CLDN1: variants seen among roughly 807,000 people sequenced by gnomAD.
CLDN1 encodes claudin-1.
A neutral mutation model predicts 22.6 loss-of-function variants in CLDN1; 12 were observed. The ratio of observed to expected loss-of-function variants is 0.53; its 90% CI spans 0.34 to 0.86. The LOEUF is 0.86. Ranked by LOEUF, CLDN1 falls within the 40% of genes least tolerant of loss-of-function variation. The probability of loss-of-function intolerance (pLI) is 0.02; values close to 1 mark genes in which losing one functional copy is unlikely to be tolerated. For synonymous variants in CLDN1, 99 were observed against 103.8 expected (o/e 0.95, Z 0.28); for missense variants, 250 against 269.5 (o/e 0.93, Z 0.51).
intron 1 of CLDN1, 50 bp downstream of exon 1, chr3:190,321,934 A>T: frequency 7.0e-7 from 1 of 1,427,460 alleles, no homozygotes. Flanking sequence ...AGGGAGCTGC[A>T]GGGGGACTGG....
intron 1 of CLDN1, among the ~76,000 whole-genome samples, chr3:190,313,775 C>G (rs549003492): frequency 1.3e-5 from 2 of 152,248 alleles, no homozygotes; most frequent in South Asian, 2.1e-4. Context: ...TGTAGTGTTT[C>G]TCAGGATTCC....
At chr3:190,311,961 C>T (rs947263806) in intron 2 of CLDN1, among the ~76,000 whole-genome samples, 7 of 148,196 alleles carry the variant, frequency 4.7e-5, no homozygotes, top group African/African-American at 1.7e-4. Flanking sequence ...TTTCTTTTTT[C>T]TTTTTTTTTT....
chr3:190,313,056 A>T lies in CLDN1; in HGVS notation c.224-20T>A. On this transcript the variant is annotated intron_variant, in intron 1 of 3. Transcript: ENST00000295522. ...ATGTGCCTGGCAGAAAACATTTTAA[A>T]ACATGTAAAAATATGCTTGGACCAA... The T allele has an allele frequency of 6.2e-7, 1 of 1,614,058 alleles. No homozygotes were observed. The highest frequency in any genetic ancestry group is 8.5e-7 in the Non-Finnish European group (1 of 1,179,954).
intron 1 of CLDN1, among the ~76,000 whole-genome samples, chr3:190,315,136 A>G (rs1402474092): frequency 1.3e-5 from 2 of 152,236 alleles, no homozygotes; most frequent in Non-Finnish European, 2.9e-5. Flanking sequence ...AACTAAACCC[A>G]TACATAACAC....
At chr3:190,315,407 A>G (rs183146677) in intron 1 of CLDN1, among the ~76,000 whole-genome samples, 81 of 152,322 alleles carry the variant, frequency 5.3e-4, no homozygotes, top group African/African-American at 1.9e-3. Flanking sequence ...AACGAAGTTT[A>G]GCAAGGTGGG....
Position 190,308,182 on chromosome 3 carries a change from C to G in CLDN1, c.*95G>C. The G allele has an allele frequency of 6.9e-7, 1 of 1,455,742 alleles. No homozygotes were observed. Among genetic ancestry groups the G allele is most frequent in the Non-Finnish European group, 9.6e-7 (1 of 1,039,340 alleles). 90.2% of individuals were successfully genotyped at this position (1,455,742 alleles called of 1,614,324 possible). A position where few individuals can be genotyped will look rare whatever the true frequency, so the allele number is the denominator to read the frequency against. ...TTTTGTAATACCATACTTCAGATTA[C>G]AATACCCAAAATTCTAAGGTCCTAA... On this transcript the variant is annotated 3_prime_UTR_variant, in exon 4 of 4. Transcript: ENST00000295522.
intron 3 of CLDN1, among the ~76,000 whole-genome samples, chr3:190,309,297 G>T (rs1716547092): frequency 1.3e-5 from 2 of 152,138 alleles, no homozygotes; most frequent in African/African-American, 4.8e-5. Context: ...CGAAATTTTA[G>T]CCTACTGACC....
intron 3 of CLDN1, 43 bp downstream of exon 3, chr3:190,310,126 A>AT: frequency 6.5e-7 from 1 of 1,531,928 alleles, no homozygotes; most frequent in East Asian, 2.2e-5. Flanking sequence ...TAAAAAGGGC[A>AT]TTTTCTCAGA....
chr3:190,318,350 G>A (rs1716824149), intron 1 of CLDN1, among the ~76,000 whole-genome samples: 1 of 152,132 alleles, frequency 6.6e-6, no homozygotes, highest in African/African-American at 2.4e-5. Flanking sequence ...GGAAACCTAA[G>A]CTATGTGACT....
intron 1 of CLDN1, among the ~76,000 whole-genome samples, chr3:190,316,236 A>T (rs950324033): frequency 1.3e-5 from 2 of 152,222 alleles, no homozygotes; most frequent in African/African-American, 4.8e-5. Context: ...TTTGTTTTTT[A>T]AAATGTCGTT....
At position 190,321,812 on chromosome 3, in the gene CLDN1, G is replaced by C. The variant is rs893051; in HGVS notation, c.223+172C>G. The stretch of plus-strand genomic sequence containing the variant: ...AAACTAGAGCTTATGCCTGGGCGTC[G>C]CTTTCCTCAAACCAGGATTCTCTTC... On this transcript the variant is annotated intron_variant, in intron 1 of 3. Transcript: ENST00000295522. Among the ~76,000 whole-genome samples the C allele has an allele frequency of 0.46, 70,391 of 151,990 alleles. 16,627 individuals carry two copies. The highest frequency in any genetic ancestry group is 0.77 in the East Asian group (3,954 of 5,156).
At chr3:190,313,167 A>G in intron 1 of CLDN1, 131 bp from the exon 2 acceptor site, 1 of 989,208 alleles carries the variant, frequency 1.0e-6, no homozygotes, top group Non-Finnish European at 1.5e-6. Context: ...GACCCCAGTC[A>G]TACTGATGTT....
Position 190,306,431 on chromosome 3 carries a change from G to A in CLDN1, c.*1846C>T, listed in dbSNP as rs372422384. 3 of 152,136 alleles carry A rather than the reference G, an allele frequency of 2.0e-5. No homozygotes were observed. The highest frequency in any genetic ancestry group is 2.9e-5 in the Non-Finnish European group (2 of 68,030). 9.4% of individuals were successfully genotyped at this position (152,136 alleles called of 1,614,324 possible). On this transcript the variant is annotated 3_prime_UTR_variant, in exon 4 of 4. Transcript: ENST00000295522. ...AACATTTGAAAAGCAACACCAAAAC[G>A]TATGCAGTTAATTCCTCAATTCTTT...
rs1415673977 is a variant in CLDN1 at position 190,306,462 on chromosome 3, AG to A, written c.*1814del. On this transcript the variant is annotated 3_prime_UTR_variant, in exon 4 of 4. Transcript: ENST00000295522. ...AGTTAATTCCTCAATTCTTTCCCTTAGTATAGCACTTTTTAAATTACAAAAC... is the reference window on the plus strand; with the variant it reads ...AGTTAATTCCTCAATTCTTTCCCTTATATAGCACTTTTTAAATTACAAAAC... 2 of 152,212 alleles carry A rather than the reference AG, an allele frequency of 1.3e-5. No homozygotes were observed. The highest frequency in any genetic ancestry group is 2.9e-5 in the Non-Finnish European group (2 of 68,044). The allele number at this position is 152,212 out of a possible 1,614,324, so 9.4% of individuals were successfully genotyped here.
chr3:190,313,336 G>A, intron 1 of CLDN1: 1 of 365,292 alleles, frequency 2.7e-6, no homozygotes, highest in Non-Finnish European at 5.1e-6. Flanking sequence ...AGGGTTAGCT[G>A]AACTAATACA....
At position 190,306,291 on chromosome 3, in the gene CLDN1, T is replaced by C. The variant is rs1716449782; in HGVS notation, c.*1986A>G. The C allele has an allele frequency of 6.6e-6, 1 of 152,200 alleles. No homozygotes were observed. The highest frequency in any genetic ancestry group is 1.5e-5 in the Non-Finnish European group (1 of 68,016). 9.4% of individuals were successfully genotyped at this position (152,200 alleles called of 1,614,324 possible). A position where few individuals can be genotyped will look rare whatever the true frequency, so the allele number is the denominator to read the frequency against. ...ATCGGGCCATACTCACTGCAGAAGATAAGACTTCCTCAGAATCTTATTTGT... is the reference window on the plus strand; with the variant it reads ...ATCGGGCCATACTCACTGCAGAAGACAAGACTTCCTCAGAATCTTATTTGT... On this transcript the variant is annotated 3_prime_UTR_variant, in exon 4 of 4. Transcript: ENST00000295522.
intron 2 of CLDN1, among the ~76,000 whole-genome samples, chr3:190,310,666 TC>T (rs1329809403): frequency 6.6e-6 from 1 of 152,214 alleles, no homozygotes; most frequent in Non-Finnish European, 1.5e-5. Flanking sequence ...ATGTTCTTGA[TC>T]AAACTCAAAA....
At chr3:190,317,836 T>C (rs1716811661) in intron 1 of CLDN1, among the ~76,000 whole-genome samples, 1 of 152,220 alleles carries the variant, frequency 6.6e-6, no homozygotes, top group Non-Finnish European at 1.5e-5. Context: ...GAAATCCACC[T>C]ATAAGTGGAC....
chr3:190,312,352 C>A (rs1021493020), intron 2 of CLDN1, among the ~76,000 whole-genome samples: 2 of 152,032 alleles, frequency 1.3e-5, no homozygotes, highest in Admixed American at 1.3e-4. Flanking sequence ...CAGGCCACCT[C>A]TACTCCAGTT....
Sources: gnomAD v4.1 joint callset for allele counts (sites outside exome capture counted in the v4.1 genomes callset) on GRCh38, gnomAD v4.1.1 for gene constraint, MANE v1.5 for transcripts, NCBI Gene and HGNC (gene_info 2026-07-23, HGNC 2026-07-21) for gene names.